Variants in HSPG2 observed in about 807,000 individuals in gnomAD.
HSPG2 encodes the protein heparan sulfate proteoglycan 2, also known as basement membrane-specific heparan sulfate proteoglycan core protein.
Under a neutral mutation model 526.6 loss-of-function variants are expected in HSPG2, and 278 were observed. The ratio of observed to expected loss-of-function variants is 0.53; its 90% CI spans 0.48 to 0.58. The LOEUF is 0.58. HSPG2 is among the 20% of genes least tolerant of loss of function. The pLI is 0.00. For missense variants in HSPG2, 5,354 were observed against 6,099.5 expected (o/e 0.88, Z 4.07); for synonymous variants, 2,465 against 2,555.4 (o/e 0.96, Z 1.07).
chr1:21,932,979 G>T (rs1644383346), intron 1 of HSPG2, among the ~76,000 whole-genome samples: 1 of 152,188 alleles, frequency 6.6e-6, no homozygotes, highest in African/African-American at 2.4e-5. Flanking sequence ...AGCACTTTGG[G>T]AGGCCGAAGG....
At chr1:21,905,728 G>A (rs1643345209) in intron 1 of HSPG2, among the ~76,000 whole-genome samples, 2 of 152,210 alleles carry the variant, frequency 1.3e-5, no homozygotes, top group Admixed American at 6.5e-5. Flanking sequence ...GGCAATAAGA[G>A]TGAAAATCCA....
rs1266195196 is a variant in HSPG2 at position 21,924,114 on chromosome 1, C to T, written c.63+13041G>A. 1.3e-5 allele frequency among the ~76,000 whole-genome samples: 2 copies of T among 152,184 alleles called. 1 individual carries two copies. Among genetic ancestry groups the T allele is most frequent in the Non-Finnish European group, 2.9e-5 (2 of 68,038 alleles). ...GCTTCAAGGTCTAGGGCACAGGGGC[C>T]ATCTCCTTCATCTGCTTCCCTAGCC... On this transcript the variant is annotated intron_variant, in intron 1 of 96. Coordinates refer to ENST00000374695, the MANE Select transcript of HSPG2 (RefSeq NM_005529.7).
chr1:21,864,137 T>G lies in HSPG2; in HGVS notation c.4703A>C (p.His1568Pro). ...GHCELCECNG[H>P]SDLCHPETGA... ...AGTCTCTGGGTGGCACAGGTCTGAGTGGCCATTGCATTCACATAGCTCGCA... is the reference window on the plus strand; with the variant it reads ...AGTCTCTGGGTGGCACAGGTCTGAGGGGCCATTGCATTCACATAGCTCGCA... The change falls in exon 37 of 97, where the codon CAC (histidine) becomes CCC (proline). Residue 1568 changes from histidine to proline, a missense_variant. By Grantham distance (77) the His-to-Pro change is moderately conservative. Transcript: ENST00000374695. This position sits in a 1 kb window ranked among gnomAD's most constrained non-coding sequence, Gnocchi z 4.8. 1 of 1,556,890 alleles carries G rather than the reference T, an allele frequency of 6.4e-7. No individual in the cohort carries two copies. The highest frequency in any genetic ancestry group is 8.7e-7 in the Non-Finnish European group (1 of 1,150,168).
Position 21,859,351 on chromosome 1 carries a change from C to T in HSPG2, c.5293+215G>A, listed in dbSNP as rs556776944. Among the ~76,000 whole-genome samples the T allele has an allele frequency of 1.3e-5, 2 of 152,212 alleles. No homozygotes were observed. Among genetic ancestry groups the T allele is most frequent in the Non-Finnish European group, 2.9e-5 (2 of 68,000 alleles). On this transcript the variant is annotated intron_variant, in intron 42 of 96. Coordinates refer to ENST00000374695, the MANE Select transcript of HSPG2 (RefSeq NM_005529.7). This position sits in a 1 kb window ranked among gnomAD's most constrained non-coding sequence, Gnocchi z 5.3. ...CGTGACCCACCGTGCCCGGCCCACC[C>T]TTTTCTTTTGCCCTCACCGACCAGT...
intron 64 of HSPG2, among the ~76,000 whole-genome samples, chr1:21,845,225 G>A (rs998610521): frequency 6.6e-6 from 1 of 152,092 alleles, no homozygotes; most frequent in East Asian, 1.9e-4. Flanking sequence ...CAGCCTGGGC[G>A]ACAGAGCAAG....
chr1:21,905,626 C>T (rs1353326426), intron 1 of HSPG2, among the ~76,000 whole-genome samples: 1 of 152,208 alleles, frequency 6.6e-6, no homozygotes, highest in African/African-American at 2.4e-5. Context: ...CCTGTAATCC[C>T]AGCTACTTGG....
intron 49 of HSPG2, 123 bp from the exon 50 acceptor site, chr1:21,854,466 A>G (rs1572236750): frequency 1.4e-6 from 2 of 1,455,372 alleles, no homozygotes; most frequent in East Asian, 2.5e-5. Flanking sequence ...CATGCTAGAA[A>G]CTGGGAGGGA....
At chr1:21,875,773 C>T in intron 24 of HSPG2, 26 bp from the exon 25 acceptor site, 1 of 1,605,628 alleles carries the variant, frequency 6.2e-7, no homozygotes, top group South Asian at 1.1e-5. Flanking sequence ...CACATGTGCT[C>T]AGCCCCTGAC....
intron 1 of HSPG2, among the ~76,000 whole-genome samples, chr1:21,930,243 G>A (rs1014529656): frequency 3.3e-5 from 5 of 152,100 alleles, no homozygotes; most frequent in South Asian, 2.1e-4. Context: ...AGGCTCACCC[G>A]CTCACTTACT....
At chr1:21,852,596 G>T (rs1055974283) in intron 52 of HSPG2, 104 bp downstream of exon 52, 1 of 1,499,956 alleles carries the variant, frequency 6.7e-7, no homozygotes, top group African/African-American at 1.4e-5. Flanking sequence ...AGCCAGCTCC[G>T]GTGTGGGCCT....
At chr1:21,879,187 C>T in intron 17 of HSPG2, 66 bp from the exon 18 acceptor site, 2 of 1,599,474 alleles carry the variant, frequency 1.3e-6, no homozygotes, top group Admixed American at 3.3e-5. Flanking sequence ...TGCGGGGGAC[C>T]TTGGAGGCTG....
intron 71 of HSPG2, 21 bp downstream of exon 71, chr1:21,841,078 CAG>C: frequency 6.3e-7 from 1 of 1,577,462 alleles, no homozygotes; most frequent in African/African-American, 1.3e-5. Flanking sequence ...GCCTCAGACC[CAG>C]AGAGGCAGCC....
At chr1:21,929,401 A>G (rs894731785) in intron 1 of HSPG2, among the ~76,000 whole-genome samples, 1 of 149,918 alleles carries the variant, frequency 6.7e-6, no homozygotes, top group Admixed American at 6.6e-5. Context: ...ATCACTTGCC[A>G]TTCTTTTTTC....
chr1:21,832,176 G>C (rs2098007209), intron 81 of HSPG2, among the ~76,000 whole-genome samples: 1 of 152,174 alleles, frequency 6.6e-6, no homozygotes, highest in Non-Finnish European at 1.5e-5. Context: ...ACAAGAGCCA[G>C]AATTTGGTCT....
rs548068755 is a variant in HSPG2, at chr1:21,866,608, C to A, written c.4222-799G>T. The stretch of plus-strand genomic sequence containing the variant: ...CTGCAGTTGCATGAGCCGATAGATT[C>A]TTTGTTGCAGACAAGCCCACTGGAC... On this transcript the variant is annotated intron_variant, in intron 33 of 96. Transcript: ENST00000374695. 4.6e-5 allele frequency among the ~76,000 whole-genome samples: 7 copies of A among 152,350 alleles called. No homozygotes were observed. The East Asian group carries it at 1.3e-3, about 29-fold the overall frequency.
In HSPG2 at chr1:21,847,660, AC is replaced by A; in HGVS notation, c.8025+28del. 6.3e-7 allele frequency: 1 copy of A among 1,599,036 alleles called. No homozygotes were observed. The highest frequency in any genetic ancestry group is 8.5e-7 in the Non-Finnish European group (1 of 1,173,280). ...GCTCACCCCAGGAGACCATGGTTCCACCCCCGCTGCTGTGGCTCCACTCTGT... is the reference window on the plus strand; with the variant it reads ...GCTCACCCCAGGAGACCATGGTTCCACCCCGCTGCTGTGGCTCCACTCTGT... On this transcript the variant is annotated intron_variant, in intron 61 of 96. Transcript: ENST00000374695. This position sits in a 1 kb window ranked among gnomAD's most constrained non-coding sequence, Gnocchi z 4.1.
intron 1 of HSPG2, among the ~76,000 whole-genome samples, chr1:21,928,922 T>A (rs1175332603): frequency 3.3e-5 from 5 of 151,976 alleles, no homozygotes; most frequent in South Asian, 2.1e-4. Context: ...AGCTGATTTT[T>A]TTATTATTAT....
At position 21,827,844 on chromosome 1, in the gene HSPG2, G is replaced by A; in HGVS notation, c.12589+19C>T. 1.9e-6 allele frequency: 3 copies of A among 1,571,422 alleles called. No individual in the cohort carries two copies. The highest frequency in any genetic ancestry group is 2.6e-6 in the Non-Finnish European group (3 of 1,158,032). On this transcript the variant is annotated intron_variant, in intron 91 of 96. Transcript: ENST00000374695. ...TGAGCTGAGCTGAAGCTGGGGAGGA[G>A]GCCATGGCAAGTACTCACCATTGCC...
chr1:21,846,074 C>T, intron 64 of HSPG2, 34 bp downstream of exon 64: 1 of 1,610,798 alleles, frequency 6.2e-7, no homozygotes. Flanking sequence ...TCCTCCCTCC[C>T]CCGGCCTTCC....
Sources: gnomAD v4.1 joint callset for allele counts (sites outside exome capture counted in the v4.1 genomes callset) on GRCh38, gnomAD v4.1.1 for gene constraint, Gnocchi (gnomAD v3.1) non-coding constraint, MANE v1.5 for transcripts, NCBI Gene and HGNC (gene_info 2026-07-23, HGNC 2026-07-21) for gene names.